POLR1C: variants seen among roughly 807,000 people sequenced by gnomAD.
POLR1C encodes RNA polymerase I and III subunit C.
POLR1C carries 42 observed loss-of-function variants against 38.3 expected under a neutral mutation model. The ratio of observed to expected loss-of-function variants is 1.10; its 90% CI spans 0.86 to 1.42. POLR1C has a LOEUF of 1.42. Among genes scored for constraint, POLR1C ranks in the 40% most tolerant of loss-of-function variants. POLR1C has a pLI of 0.00. For missense variants in POLR1C, 507 were observed against 450.5 expected (o/e 1.13, Z -1.14); for synonymous variants, 163 against 163.9 (o/e 0.99, Z 0.04).
intron 10 of POLR1C, among the ~76,000 whole-genome samples, chr6:43,552,867 T>C (rs1010847146): frequency 1.3e-5 from 2 of 152,210 alleles, no homozygotes; most frequent in East Asian, 1.9e-4. Context: ...TTAAAATGTA[T>C]ACTAAATGTG....
downstream of POLR1C, chr6:43,524,971 G>T: frequency 6.2e-7 from 1 of 1,612,576 alleles, no homozygotes; most frequent in Non-Finnish European, 8.5e-7. Context: ...GACAGCACCT[G>T]GGGAGACAAC....
chr6:43,518,056 G>C (rs1216464136), intron 2 of POLR1C, among the ~76,000 whole-genome samples: 1 of 152,068 alleles, frequency 6.6e-6, no homozygotes, highest in Admixed American at 6.6e-5. Flanking sequence ...TGTGAAGTGT[G>C]CTCCGGGCAT....
intron 8 of POLR1C, chr6:43,527,689 C>G: frequency 6.2e-7 from 1 of 1,614,026 alleles, no homozygotes; most frequent in Non-Finnish European, 8.5e-7. Flanking sequence ...CCTCCAGCAT[C>G]TCTTGAGACT....
Position 43,521,418 on chromosome 6 carries a change from C to T in POLR1C, c.*118C>T. The T allele has an allele frequency of 1.3e-6, 2 of 1,582,416 alleles. No individual in the cohort carries two copies. Among genetic ancestry groups the T allele is most frequent in the Non-Finnish European group, 1.7e-6 (2 of 1,165,992 alleles). On this transcript the variant is annotated 3_prime_UTR_variant, in exon 9 of 9. Transcript: ENST00000642195. The stretch of plus-strand genomic sequence containing the variant: ...CCTGAGTTTTCTGGGACAATTCCAG[C>T]TTTAATCAATACATTTTGTTAAATG...
chr6:43,550,224 CTTT>C (rs770439725), intron 9 of POLR1C, among the ~76,000 whole-genome samples: 3 of 152,176 alleles, frequency 2.0e-5, no homozygotes, highest in Non-Finnish European at 2.9e-5. Context: ...CCTCTCTCTT[CTTT>C]TATCAAAAGT....
downstream of POLR1C, chr6:43,531,646 C>CTTCCTGCTGTAG: frequency 4.5e-6 from 6 of 1,339,878 alleles, no homozygotes; most frequent in Non-Finnish European, 6.4e-6. Flanking sequence ...CACTCTACAG[C>CTTCCTGCTGTAG]AGGAAGCTGT....
In POLR1C at chr6:43,544,023, C is replaced by G. The variant is rs1794844453; in HGVS notation, c.*5-6945C>G. On this transcript the variant is annotated intron_variant, in intron 9 of 10. Coordinates refer to the POLR1C transcript ENST00000607635. ...AAAACTCTTAATAGCTCCAGCTACA[C>G]ACTATTCAAGCAATCTACTCTATCA... is the stretch of plus-strand genomic sequence containing the variant. 3 of 152,484 alleles carry G rather than the reference C, an allele frequency of 2.0e-5. 1 individual carries two copies. The South Asian group carries it at 6.2e-4, about 32-fold the overall frequency. The allele number at this position is 152,484 out of a possible 1,614,324, so 9.4% of individuals were successfully genotyped here.
chr6:43,530,561 C>T, downstream of POLR1C: 4 of 1,136,574 alleles, frequency 3.5e-6, no homozygotes, highest in Non-Finnish European at 4.9e-6. Flanking sequence ...TGACATGATA[C>T]ACTTAGATAC....
At chr6:43,551,634 C>T (rs971145982) in intron 10 of POLR1C, among the ~76,000 whole-genome samples, 2 of 152,210 alleles carry the variant, frequency 1.3e-5, no homozygotes, top group Non-Finnish European at 2.9e-5. Context: ...AAGGGATCCT[C>T]CTGCCTTAGC....
At chr6:43,551,553 C>CTTTAA in intron 10 of POLR1C, 4 of 1,438,694 alleles carry the variant, frequency 2.8e-6, no homozygotes, top group South Asian at 1.3e-5. Flanking sequence ...GACAGGGTCT[C>CTTTAA]ATTCTGTCAC....
At position 43,519,800 on chromosome 6, in the gene POLR1C, T is replaced by C. The variant is rs771689061; in HGVS notation, c.344T>C (p.Ile115Thr). The change falls in exon 4 of 9, where the codon ATT becomes ACT. Residue 115 changes from isoleucine (I) to threonine (T), a missense_variant. By Grantham distance (89) the Ile-to-Thr change is moderately conservative. Coordinates refer to ENST00000642195, the MANE Select transcript of POLR1C (RefSeq NM_203290.4). The part of the protein sequence containing the change: ...ILAHRLGLIP[I>T]HADPRLFEYR... ...GCTCACCGTCTGGGGCTCATTCCCA[T>C]TCATGCTGATCCCCGTCTTTTTGAG... The C allele has an allele frequency of 1.2e-6, 2 of 1,614,192 alleles. No individual in the cohort carries two copies. Among genetic ancestry groups the C allele is most frequent in the Admixed American group, 3.3e-5 (2 of 60,012 alleles).
chr6:43,529,553 C>CA (rs1186641934), exon 9 of POLR1C: 19,737 of 101,432 alleles, frequency 0.19, 3,139 homozygotes, highest in African/African-American at 0.47. Flanking sequence ...GACTCCGTCT[C>CA]AAAAAAAAAA....
intron 8 of POLR1C, chr6:43,528,746 G>C: frequency 2.3e-6 from 3 of 1,328,234 alleles, no homozygotes; most frequent in Non-Finnish European, 3.2e-6. Context: ...AACACTTCTA[G>C]GAGCTCCTGA....
downstream of POLR1C, chr6:43,525,297 G>GTT (rs369932860): frequency 2.7e-3 from 2,858 of 1,069,800 alleles, no homozygotes; most frequent in Non-Finnish European, 3.2e-3. Flanking sequence ...GAGCCGGAGG[G>GTT]TTTTTTTTTT....
At chr6:43,520,450 T>A in intron 6 of POLR1C, 23 bp downstream of exon 6, 1 of 1,612,756 alleles carries the variant, frequency 6.2e-7, no homozygotes. Context: ...TGTGCCTTCC[T>A]GGGAAGGGGG....
chr6:43,524,101 AAC>A (rs1793378780), downstream of POLR1C: 2 of 1,510,290 alleles, frequency 1.3e-6, no homozygotes, highest in African/African-American at 2.8e-5. Context: ...CTGTAATCCC[AAC>A]ACTTTTGGGA....
chr6:43,525,019 C>T, downstream of POLR1C: 2 of 1,598,516 alleles, frequency 1.3e-6, no homozygotes, highest in Non-Finnish European at 1.7e-6. Context: ...CTCAAGGCCT[C>T]AGCACCCCAG....
chr6:43,517,302 C>T lies in POLR1C; in HGVS notation c.70-4C>T, dbSNP rs747543305. The T allele has an allele frequency of 3.7e-6, 6 of 1,614,016 alleles. No homozygotes were observed. Among genetic ancestry groups the T allele is most frequent in the Non-Finnish European group, 5.1e-6 (6 of 1,179,914 alleles). On this transcript the variant is annotated splice_polypyrimidine_tract_variant and splice_region_variant and intron_variant, in intron 1 of 8. Transcript: ENST00000642195. ...TCGTGGACAAATTCGTCCCTTTGCT[C>T]TAGGTCCATACTACTGACTTTCCCG...
intron 8 of POLR1C, chr6:43,526,923 C>G: frequency 3.2e-6 from 2 of 631,422 alleles, no homozygotes; most frequent in South Asian, 1.8e-5. Flanking sequence ...TTCTGATGAC[C>G]GAACTGTTTT....
Sources: gnomAD v4.1 joint callset for allele counts (sites outside exome capture counted in the v4.1 genomes callset) on GRCh38, gnomAD v4.1.1 for gene constraint, MANE v1.5 for transcripts, NCBI Gene and HGNC (gene_info 2026-07-23, HGNC 2026-07-21) for gene names.